The following FCRL6 variants were observed in gnomAD, a reference collection of about 807,000 sequenced individuals.
FCRL6 encodes Fc receptor-like protein 6.
A neutral mutation model predicts 49.1 loss-of-function variants in FCRL6; 50 were observed. The observed-to-expected ratio is 1.02, with a 90% CI of 0.81 to 1.29. FCRL6 has a LOEUF of 1.29. Ranked by LOEUF, FCRL6 falls within the 50% of genes most tolerant of loss-of-function variation. The pLI is 0.00. For synonymous variants in FCRL6, 213 were observed against 199.6 expected (o/e 1.07, Z -0.57); for missense variants, 571 against 518.5 (o/e 1.10, Z -0.98).
chr1:159,808,901 C>G (rs1571100968), intron 3 of FCRL6, 60 bp from the exon 4 acceptor site: 6 of 1,497,504 alleles, frequency 4.0e-6, no homozygotes, highest in Middle Eastern at 3.6e-4. Context: ...CAGGCCTCAG[C>G]CTCCTGGGGC....
rs775377923 is a variant in FCRL6 at position 159,814,209 on chromosome 1, T to A, written c.1076-12T>A. The A allele has an allele frequency of 5.6e-6, 9 of 1,613,156 alleles. No individual in the cohort carries two copies. Among genetic ancestry groups the A allele is most frequent in the Non-Finnish European group, 7.6e-6 (9 of 1,179,220 alleles). The stretch of plus-strand genomic sequence containing the variant: ...CAGGAGGATCCTATTTAAGCCTCAT[T>A]CCTTCTTCCAGTGCATCACCAGAAA... On this transcript the variant is annotated splice_polypyrimidine_tract_variant and intron_variant, in intron 7 of 9. Coordinates refer to ENST00000368106, the MANE Select transcript of FCRL6 (RefSeq NM_001004310.3).
chr1:159,806,714 T>A (rs1662713068), intron 2 of FCRL6, 98 bp downstream of exon 2: 2 of 1,231,340 alleles, frequency 1.6e-6, no homozygotes, highest in South Asian at 1.2e-5. Flanking sequence ...CCCAGAAACA[T>A]CTGCAGAGCA....
intron 6 of FCRL6, among the ~76,000 whole-genome samples, chr1:159,813,054 T>C (rs944207120): frequency 2.0e-5 from 3 of 152,210 alleles, no homozygotes; most frequent in Non-Finnish European, 4.4e-5. Flanking sequence ...CGCCAAAGAA[T>C]TAGGAAGAGA....
chr1:159,802,839 G>A (rs1246504742), intron 1 of FCRL6, among the ~76,000 whole-genome samples: 3 of 152,200 alleles, frequency 2.0e-5, no homozygotes, highest in Non-Finnish European at 4.4e-5. Context: ...GCTGCTGGGG[G>A]CAACAGGGAA....
intron 3 of FCRL6, 86 bp from the exon 4 acceptor site, chr1:159,808,875 G>A: frequency 7.1e-7 from 1 of 1,417,540 alleles, no homozygotes; most frequent in Non-Finnish European, 9.5e-7. Context: ...GCTGCAGCCT[G>A]AGATGAGTAG....
At chr1:159,808,131 T>C (rs765562506) in intron 2 of FCRL6, 47 bp from the exon 3 acceptor site, 30 of 1,568,332 alleles carry the variant, frequency 1.9e-5, no homozygotes, top group Non-Finnish European at 2.4e-5. Flanking sequence ...GAGAAGTGAC[T>C]GATGGGACCT....
intron 6 of FCRL6, 121 bp downstream of exon 6, chr1:159,810,337 G>A: frequency 8.1e-7 from 1 of 1,242,058 alleles, no homozygotes; most frequent in Non-Finnish European, 1.1e-6. Flanking sequence ...GGAGTGGCAG[G>A]GGGGACTTCT....
At position 159,809,505 on chromosome 1, in the gene FCRL6, G is replaced by C. The variant is rs372785343; in HGVS notation, c.708G>C (p.Pro236=). 31 of 1,614,040 alleles carry C rather than the reference G, an allele frequency of 1.9e-5. No individual in the cohort carries two copies. The highest frequency in any genetic ancestry group is 2.5e-5 in the Non-Finnish European group (29 of 1,180,016). Residue 236 remains proline (P), a synonymous_variant, in exon 5 of 10, where the codon CCG becomes CCC. Transcript: ENST00000368106. ...GTGAGGCACAGAGGGGCTCCCCTCC[G>C]ATCCTGTATTCCTTCTACCTTGATG... is the stretch of plus-strand genomic sequence containing the variant. ...LLCEAQRGSP[P]ILYSFYLDEK...
chr1:159,803,674 A>G (rs977268496), intron 1 of FCRL6, among the ~76,000 whole-genome samples: 11 of 152,220 alleles, frequency 7.2e-5, no homozygotes, highest in Admixed American at 1.3e-4. Flanking sequence ...GTCTAGATAC[A>G]GTCTGAGAGT....
At chr1:159,805,813 C>G (rs1212116827) in intron 1 of FCRL6, among the ~76,000 whole-genome samples, 2 of 152,184 alleles carry the variant, frequency 1.3e-5, no homozygotes, top group Admixed American at 6.5e-5. Flanking sequence ...CTTCCATACC[C>G]TTTTTGCCAG....
In FCRL6 at chr1:159,808,983, G is replaced by A. The variant is rs1293438626; in HGVS notation, c.342G>A (p.Leu114=). The part of the protein sequence containing the change: ...QVQELFPPPV[L]SAIPSPEPRE... Reference sequence around the variant, plus strand: ...CAGAGCTGTTTCCACCTCCTGTGCTGAGTGCCATCCCCTCTCCTGAGCCCC... The same window carrying A: ...CAGAGCTGTTTCCACCTCCTGTGCTAAGTGCCATCCCCTCTCCTGAGCCCC... Residue 114 remains leucine, a synonymous_variant, in exon 4 of 10, where the codon CTG becomes CTA. Transcript: ENST00000368106. 1.2e-6 allele frequency: 2 copies of A among 1,612,018 alleles called. No individual in the cohort carries two copies. The highest frequency in any genetic ancestry group is 1.7e-4 in the Middle Eastern group (1 of 6,048).
intron 6 of FCRL6, among the ~76,000 whole-genome samples, chr1:159,812,438 T>C (rs1021207680): frequency 2.0e-5 from 3 of 152,238 alleles, no homozygotes; most frequent in Non-Finnish European, 2.9e-5. Context: ...ATGGTGTTAC[T>C]GGAACAAGGA....
At position 159,802,394 on chromosome 1, in the gene FCRL6, G is replaced by C. The variant is rs746845427; in HGVS notation, c.-31G>C. On this transcript the variant is annotated 5_prime_UTR_variant, in exon 1 of 10. Transcript: ENST00000368106. ...CTTCGCCCTGACCTGTTTCTGACCTGTGTTCCCTCCGCTGTGCCAGAACAG... is the reference window on the plus strand; with the variant it reads ...CTTCGCCCTGACCTGTTTCTGACCTCTGTTCCCTCCGCTGTGCCAGAACAG... The C allele has an allele frequency of 1.9e-5, 31 of 1,613,338 alleles. No homozygotes were observed. The highest frequency in any genetic ancestry group is 2.5e-5 in the Non-Finnish European group (29 of 1,179,724).
Position 159,815,642 on chromosome 1 carries a change from G to A in FCRL6, c.1286G>A (p.Cys429Tyr), listed in dbSNP as rs770144156. Residue 429 changes from cysteine to tyrosine, a missense_variant, in exon 10 of 10, where the codon TGT becomes TAT. Physicochemically the swap from Cys to Tyr is radical, Grantham distance 194. Coordinates refer to ENST00000368106, the MANE Select transcript of FCRL6 (RefSeq NM_001004310.3). ...SRTLQEPLSD[C>Y]EEVLC ...ACTCTCCAAGAACCCCTTAGCGACT[G>A]TGAGGAGGTTCTCTGCTAGTGATGG... 1 of 1,614,040 alleles carries A rather than the reference G, an allele frequency of 6.2e-7. No individual in the cohort carries two copies. Among genetic ancestry groups the A allele is most frequent in the African/African-American group, 1.3e-5 (1 of 74,926 alleles).
At chr1:159,810,589 C>T (rs1384207254) in intron 6 of FCRL6, among the ~76,000 whole-genome samples, 1 of 151,916 alleles carries the variant, frequency 6.6e-6, no homozygotes, top group Non-Finnish European at 1.5e-5. Context: ...AAAAAAAGGC[C>T]TCCACCTCTC....
intron 1 of FCRL6, 83 bp from the exon 2 acceptor site, chr1:159,806,513 C>G: frequency 8.2e-7 from 1 of 1,221,368 alleles, no homozygotes; most frequent in South Asian, 1.2e-5. Context: ...GGGTGTAAGT[C>G]CCCATTGCTG....
intron 7 of FCRL6, 74 bp downstream of exon 7, chr1:159,813,628 G>C: frequency 8.0e-7 from 1 of 1,257,516 alleles, no homozygotes; most frequent in East Asian, 2.3e-5. Flanking sequence ...TAAGAAGGGA[G>C]CTCTCCAGAG....
chr1:159,806,603 T>G lies in FCRL6; in HGVS notation c.39T>G (p.Cys13Trp). ...LWTAVLLFVP[C>W]VGKTVWLYLQ... Reference sequence around the variant, plus strand: ...TACTTTGTTCTCTTGCAGTTCCCTGTGTTGGGAAAACTGGTAAGTTGTGTC... The same window carrying G: ...TACTTTGTTCTCTTGCAGTTCCCTGGGTTGGGAAAACTGGTAAGTTGTGTC... Residue 13 changes from cysteine to tryptophan, a missense_variant, in exon 2 of 10, where the codon TGT becomes TGG. By Grantham distance (215) the Cys-to-Trp change is radical (BLOSUM62 -2). Coordinates refer to ENST00000368106, the MANE Select transcript of FCRL6 (RefSeq NM_001004310.3). 1.2e-6 allele frequency: 2 copies of G among 1,613,856 alleles called. No individual in the cohort carries two copies. The highest frequency in any genetic ancestry group is 1.3e-5 in the African/African-American group (1 of 75,070).
At chr1:159,805,565 A>C (rs1662625207) in intron 1 of FCRL6, among the ~76,000 whole-genome samples, 1 of 152,194 alleles carries the variant, frequency 6.6e-6, no homozygotes, top group African/African-American at 2.4e-5. Context: ...TGTTTGGGCT[A>C]TTCAAACCTA....
Sources: gnomAD v4.1 joint callset for allele counts (sites outside exome capture counted in the v4.1 genomes callset) on GRCh38, gnomAD v4.1.1 for gene constraint, MANE v1.5 for transcripts, NCBI Gene and HGNC (gene_info 2026-07-23, HGNC 2026-07-21) for gene names.